GABRB2: variants seen among roughly 807,000 people sequenced by gnomAD.
GABRB2 encodes gamma-aminobutyric acid receptor subunit beta-2.
Under a neutral mutation model 54.7 loss-of-function variants are expected in GABRB2, and 16 were observed. That is an observed-to-expected ratio of 0.29 (90% CI 0.20 to 0.44). The LOEUF is 0.44. GABRB2 is among the 20% of genes least tolerant of loss of function. The probability of loss-of-function intolerance (pLI) is 1.00; values close to 1 mark genes in which losing one functional copy is unlikely to be tolerated. For missense variants in GABRB2, 355 were observed against 644.0 expected (o/e 0.55, Z 4.86); for synonymous variants, 244 against 233.8 (o/e 1.04, Z -0.40).
At chr5:161,443,224 C>T (rs1214829241) in intron 4 of GABRB2, among the ~76,000 whole-genome samples, 1 of 152,168 alleles carries the variant, frequency 6.6e-6, no homozygotes. Context: ...TCCATGCCTA[C>T]AGAAACTGAC....
At chr5:161,524,499 T>C (rs964914729) in intron 3 of GABRB2, among the ~76,000 whole-genome samples, 1 of 151,416 alleles carries the variant, frequency 6.6e-6, no homozygotes, top group African/African-American at 2.4e-5. Context: ...GTACATAAAG[T>C]GAGATTCCAT....
rs745644833 is a variant in GABRB2, at chr5:161,288,628, C to A, written c.*5453G>T. ...TTTAATAGTCCTGTTTTTAGAAAGA[C>A]ATGAAAATAGATGCAATGATATCCA... On this transcript the variant is annotated 3_prime_UTR_variant, in exon 10 of 10. Coordinates refer to ENST00000393959, the MANE Select transcript of GABRB2 (RefSeq NM_001371727.1). The A allele has an allele frequency of 2.6e-5, 4 of 152,514 alleles. No individual in the cohort carries two copies. The highest frequency in any genetic ancestry group is 9.7e-5 in the African/African-American group (4 of 41,408). The allele number at this position is 152,514 out of a possible 1,614,324, so 9.4% of individuals were successfully genotyped here.
chr5:161,381,049 C>A (rs1314441716), intron 5 of GABRB2, among the ~76,000 whole-genome samples: 2 of 152,128 alleles, frequency 1.3e-5, no homozygotes, highest in African/African-American at 4.8e-5. Flanking sequence ...AATTAAGAGA[C>A]CTCTCAATCT....
chr5:161,501,928 T>C (rs893022336), intron 3 of GABRB2, among the ~76,000 whole-genome samples: 1 of 148,496 alleles, frequency 6.7e-6, no homozygotes, highest in Non-Finnish European at 1.5e-5. Context: ...TATATATACA[T>C]ATAAAATAAA....
intron 5 of GABRB2, among the ~76,000 whole-genome samples, chr5:161,377,288 T>G (rs1337355610): frequency 6.6e-6 from 1 of 152,110 alleles, no homozygotes; most frequent in African/African-American, 2.4e-5. Flanking sequence ...AAAACCCTAA[T>G]GAAGGAACAG....
intron 5 of GABRB2, among the ~76,000 whole-genome samples, chr5:161,370,042 A>G (rs911943246): frequency 2.6e-5 from 4 of 152,292 alleles, no homozygotes; most frequent in African/African-American, 7.2e-5. Context: ...AGTGATGGCT[A>G]AAGTTCAGTA....
In GABRB2 at chr5:161,289,336, T is replaced by C. The variant is rs1757174014; in HGVS notation, c.*4745A>G. 6.7e-6 allele frequency: 1 copy of C among 149,736 alleles called. No individual in the cohort carries two copies. The highest frequency in any genetic ancestry group is 2.5e-5 in the African/African-American group (1 of 40,402). 9.3% of individuals were successfully genotyped at this position (149,736 alleles called of 1,614,324 possible). ...CAATGTTCCTAGTGCATTTGGAAAA[T>C]ATTTTTTTAAACCTTTGGTGTGAAG... On this transcript the variant is annotated 3_prime_UTR_variant, in exon 10 of 10. Transcript: ENST00000393959.
chr5:161,326,434 C>A lies in GABRB2; in HGVS notation c.1125G>T (p.Leu375Phe), dbSNP rs749795980. Residue 375 changes from leucine (L) to phenylalanine (F), a missense_variant, in exon 9 of 10, where the codon TTG (leucine) becomes TTT (phenylalanine). Physicochemically the swap from Leu to Phe is conservative, Grantham distance 22. Transcript: ENST00000393959. The part of the protein sequence containing the change: ...IKQNGTQYRS[L>F]WDPTGNLSPT... The stretch of plus-strand genomic sequence containing the variant: ...GGGAGAGGTTTCCAGTAGGGTCCCA[C>A]AAGGATCGATATTGGGTCCCATTTT... The A allele has an allele frequency of 1.9e-6, 3 of 1,613,616 alleles. No individual in the cohort carries two copies. The East Asian group carries it at 6.7e-5, about 36-fold the overall frequency.
chr5:161,518,032 T>C lies in GABRB2; in HGVS notation c.237+27195A>G, dbSNP rs189083195. ...CCCGTGTTACTCAGGATGCCCTCGA[T>C]CTCCTGACCTCGTGATCGGCCCGCC... is the stretch of plus-strand genomic sequence containing the variant. On this transcript the variant is annotated intron_variant, in intron 3 of 9. Coordinates refer to ENST00000393959, the MANE Select transcript of GABRB2 (RefSeq NM_001371727.1). Among the ~76,000 whole-genome samples, 98 of 152,218 alleles carry C rather than the reference T, an allele frequency of 6.4e-4. 1 individual carries two copies. Among genetic ancestry groups the C allele is most frequent in the African/African-American group, 2.2e-3 (93 of 41,544 alleles).
At chr5:161,409,443 C>T in intron 5 of GABRB2, among the ~76,000 whole-genome samples, 1 of 152,148 alleles carries the variant, frequency 6.6e-6, no homozygotes, top group East Asian at 1.9e-4. Context: ...CATAATTAGG[C>T]ATCCATTCTT....
intron 4 of GABRB2, among the ~76,000 whole-genome samples, chr5:161,433,893 A>C (rs1433003379): frequency 6.6e-6 from 1 of 152,136 alleles, no homozygotes; most frequent in African/African-American, 2.4e-5. Context: ...TCATCTGTCA[A>C]TCCTTTACAA....
At chr5:161,316,822 G>A (rs1044290327) in intron 9 of GABRB2, among the ~76,000 whole-genome samples, 3 of 152,100 alleles carry the variant, frequency 2.0e-5, no homozygotes, top group African/African-American at 7.2e-5. Flanking sequence ...ACGTTGTCCA[G>A]GCTAGTCTTG....
chr5:161,532,651 T>C (rs1220652315), intron 3 of GABRB2, among the ~76,000 whole-genome samples: 2 of 152,136 alleles, frequency 1.3e-5, no homozygotes, highest in East Asian at 3.9e-4. Context: ...CTCCCTCAAC[T>C]CTTCACTTCC....
chr5:161,438,430 A>C (rs1466532845), intron 4 of GABRB2, among the ~76,000 whole-genome samples: 1 of 152,198 alleles, frequency 6.6e-6, no homozygotes, highest in East Asian at 1.9e-4. Flanking sequence ...AGAGACAGCT[A>C]CAAATAAGTC....
chr5:161,492,981 A>G (rs559486453), intron 3 of GABRB2, among the ~76,000 whole-genome samples: 2 of 151,808 alleles, frequency 1.3e-5, no homozygotes, highest in Non-Finnish European at 2.9e-5. Flanking sequence ...GCTAGAACAA[A>G]TATCATTGCA....
rs76651720 is a variant in GABRB2, at chr5:161,441,999, C to T, written c.458+17625G>A. Among the ~76,000 whole-genome samples the T allele has an allele frequency of 5.8e-3, 888 of 152,036 alleles. 6 individuals carry two copies. The highest frequency in any genetic ancestry group is 0.034 in the Middle Eastern group (10 of 294). On this transcript the variant is annotated intron_variant, in intron 4 of 9. Transcript: ENST00000393959. Reference sequence around the variant, plus strand: ...TGGGGTGGGAGGAGGGAGATGGGGACGGTTATTGCGTACAAAAATAGAAAG... The same window carrying T: ...TGGGGTGGGAGGAGGGAGATGGGGATGGTTATTGCGTACAAAAATAGAAAG...
chr5:161,335,389 T>C (rs1169390460), intron 6 of GABRB2, among the ~76,000 whole-genome samples: 1 of 152,150 alleles, frequency 6.6e-6, no homozygotes, highest in Admixed American at 6.6e-5. Context: ...TTCACGTATA[T>C]GCTTCTTTTT....
chr5:161,453,905 G>A (rs1757867005), intron 4 of GABRB2, among the ~76,000 whole-genome samples: 1 of 151,820 alleles, frequency 6.6e-6, no homozygotes, highest in South Asian at 2.1e-4. Context: ...AGGTGTGGTG[G>A]TGAGCACCTG....
intron 9 of GABRB2, among the ~76,000 whole-genome samples, chr5:161,296,739 C>T (rs1170563656): frequency 1.3e-5 from 2 of 152,176 alleles, no homozygotes; most frequent in African/African-American, 2.4e-5. Context: ...GTGAGAAAGA[C>T]GGAATTGCTG....
Sources: gnomAD v4.1 joint callset for allele counts (sites outside exome capture counted in the v4.1 genomes callset) on GRCh38, gnomAD v4.1.1 for gene constraint, MANE v1.5 for transcripts, NCBI Gene and HGNC (gene_info 2026-07-23, HGNC 2026-07-21) for gene names.